TMED10: variants seen among roughly 807,000 people sequenced by gnomAD.
The protein encoded by TMED10 is transmembrane p24 trafficking protein 10, also known as transmembrane emp24 domain-containing protein 10.
TMED10 carries 7 observed loss-of-function variants against 23.1 expected under a neutral mutation model. That is an observed-to-expected ratio of 0.30 (90% confidence interval 0.17 to 0.57). The LOEUF (loss-of-function observed/expected upper bound fraction) is 0.57, where lower values mean the gene tolerates loss of function less well. Ranked by LOEUF, TMED10 falls within the 20% of genes least tolerant of loss-of-function variation. The pLI, the probability that TMED10 is intolerant of heterozygous loss-of-function variation, is 0.91. For synonymous variants in TMED10, 113 were observed against 106.9 expected, an observed-to-expected ratio of 1.06 and a Z score of -0.35; for missense variants, 162 against 274.8, an observed-to-expected ratio of 0.59 and a Z score of 2.90.
At chr14:75,176,199 C>T in intron 1 of TMED10, 156 bp downstream of exon 1, 3 of 875,952 alleles carry the variant, frequency 3.4e-6, no homozygotes, top group Non-Finnish European at 5.1e-6. Context: ...AGGCAACCAG[C>T]GGGGTGAGGG....
intron 1 of TMED10, among the ~76,000 whole-genome samples, chr14:75,167,241 A>C (rs1448638634): frequency 6.6e-6 from 1 of 152,024 alleles, no homozygotes; most frequent in East Asian, 1.9e-4. Context: ...CGCCCAGCCG[A>C]AGCATCCTAT....
intron 1 of TMED10, among the ~76,000 whole-genome samples, chr14:75,164,565 ATATATATATATATT>A (rs1214158254): frequency 4.3e-3 from 10 of 2,324 alleles, no homozygotes; most frequent in African/African-American, 0.011. Context: ...ATATATATAT[ATATATATATATATT>A]TTTTTTTTTT....
At chr14:75,173,418 G>A (rs1032936915) in intron 1 of TMED10, among the ~76,000 whole-genome samples, 1 of 151,540 alleles carries the variant, frequency 6.6e-6, no homozygotes, top group African/African-American at 2.4e-5. Flanking sequence ...GGGAGGGGAA[G>A]GGAAAAATCA....
At chr14:75,158,502 A>AT (rs752117818) in intron 1 of TMED10, among the ~76,000 whole-genome samples, 8 of 151,864 alleles carry the variant, frequency 5.3e-5, no homozygotes, top group African/African-American at 1.5e-4. Flanking sequence ...TAATTGTCTT[A>AT]TTTTTTGTAG....
intron 2 of TMED10, among the ~76,000 whole-genome samples, chr14:75,150,292 C>T (rs1254302567): frequency 1.3e-5 from 2 of 152,210 alleles, no homozygotes; most frequent in African/African-American, 2.4e-5. Context: ...GTTCTGTTCT[C>T]CCAAATCCAA....
intron 3 of TMED10, among the ~76,000 whole-genome samples, chr14:75,146,303 C>G (rs1895882426): frequency 6.6e-6 from 1 of 152,172 alleles, no homozygotes; most frequent in Admixed American, 6.5e-5. Flanking sequence ...GCAGAATTAA[C>G]CAGTCATTTC....
At chr14:75,149,323 C>G (rs530005014) in intron 2 of TMED10, among the ~76,000 whole-genome samples, 2 of 152,314 alleles carry the variant, frequency 1.3e-5, no homozygotes, top group South Asian at 4.1e-4. Flanking sequence ...TGAGTTCAGC[C>G]CCTTCTTGCT....
chr14:75,174,642 T>C (rs897869354), intron 1 of TMED10, among the ~76,000 whole-genome samples: 1 of 152,182 alleles, frequency 6.6e-6, no homozygotes, highest in African/African-American at 2.4e-5. Flanking sequence ...TGAAAATAGT[T>C]TGTCTCTCCC....
rs114102232 is a variant in TMED10, at chr14:75,138,982, A to G, written c.412-3096T>C. ...CAATCCCTTTCCAGTAATAAAACTT[A>G]TTTTTTAGTTGTACAACCAACACAT... On this transcript the variant is annotated intron_variant, in intron 3 of 4. Coordinates refer to ENST00000303575, the MANE Select transcript of TMED10 (RefSeq NM_006827.6). 4.9e-3 allele frequency: 1,484 copies of G among 304,546 alleles called. 25 individuals are homozygous for G. Among genetic ancestry groups the G allele is most frequent in the African/African-American group, 0.029 (1,319 of 44,948 alleles). The allele number at this position is 304,546 out of a possible 1,614,324, so 18.9% of individuals were successfully genotyped here.
chr14:75,135,048 CT>C, intron 4 of TMED10, 42 bp from the exon 5 acceptor site: 1 of 1,609,532 alleles, frequency 6.2e-7, no homozygotes, highest in Non-Finnish European at 8.5e-7. Context: ...TGAAGTGAGC[CT>C]CCTCAGCTGG....
intron 3 of TMED10, among the ~76,000 whole-genome samples, chr14:75,145,888 C>T (rs752429933): frequency 1.1e-4 from 16 of 152,142 alleles, no homozygotes; most frequent in Non-Finnish European, 1.6e-4. Flanking sequence ...TGAGAATGGT[C>T]CACAGTTCGG....
Position 75,134,804 on chromosome 14 carries a change from G to C in TMED10, c.*81C>G, listed in dbSNP as rs200117044. Reference sequence around the variant, plus strand: ...CCAACGTGCCTTGATGGTGCTGTTGGTAGGATGCCTTAGGCCAGGCACGTC... The same window carrying C: ...CCAACGTGCCTTGATGGTGCTGTTGCTAGGATGCCTTAGGCCAGGCACGTC... On this transcript the variant is annotated 3_prime_UTR_variant, in exon 5 of 5. Transcript: ENST00000303575. 1.3e-6 allele frequency: 2 copies of C among 1,587,620 alleles called. No individual in the cohort carries two copies. Among genetic ancestry groups the C allele is most frequent in the Non-Finnish European group, 1.7e-6 (2 of 1,161,776 alleles).
intron 3 of TMED10, among the ~76,000 whole-genome samples, chr14:75,137,551 T>A (rs1049465322): frequency 4.0e-5 from 6 of 149,210 alleles, no homozygotes; most frequent in African/African-American, 1.5e-4. Context: ...GGCGGGCGCC[T>A]GTAGTCCCAG....
chr14:75,163,553 A>T (rs12897497), intron 1 of TMED10, among the ~76,000 whole-genome samples: 1 of 32,442 alleles, frequency 3.1e-5, no homozygotes, highest in African/African-American at 2.2e-4. Context: ...ACTCCGTATC[A>T]AAAAAAAAAA....
chr14:75,149,519 C>A (rs1016893807), intron 2 of TMED10, among the ~76,000 whole-genome samples: 16 of 152,190 alleles, frequency 1.1e-4, no homozygotes, highest in Non-Finnish European at 1.5e-5. Context: ...ATGGACTAAG[C>A]CAGGATACAA....
intron 1 of TMED10, among the ~76,000 whole-genome samples, chr14:75,174,482 A>G (rs1041341568): frequency 4.6e-5 from 7 of 152,164 alleles, no homozygotes; most frequent in African/African-American, 1.7e-4. Context: ...CCCTGAGTCC[A>G]TGAACATCCT....
intron 2 of TMED10, 35 bp downstream of exon 2, chr14:75,151,997 A>G (rs1895961081): frequency 3.2e-6 from 5 of 1,554,790 alleles, no homozygotes; most frequent in Non-Finnish European, 3.5e-6. Flanking sequence ...GTTGGAGAAG[A>G]TTCTTAATCC....
chr14:75,149,883 T>C (rs1205601054), intron 2 of TMED10, among the ~76,000 whole-genome samples: 4 of 152,142 alleles, frequency 2.6e-5, no homozygotes. Flanking sequence ...GGCAGGTGGA[T>C]CTCTTGAGGT....
chr14:75,155,436 TG>T (rs1896009874), intron 1 of TMED10, among the ~76,000 whole-genome samples: 3 of 152,244 alleles, frequency 2.0e-5, no homozygotes, highest in Admixed American at 2.0e-4. Flanking sequence ...TTAGTGATAC[TG>T]GGGAACTTTT....
Sources: allele counts gnomAD v4.1 joint callset (sites outside exome capture counted in the v4.1 genomes callset), GRCh38; gene constraint gnomAD v4.1.1; transcripts MANE v1.5; gene names NCBI Gene and HGNC (gene_info 2026-07-23, HGNC 2026-07-21).